Variants in CTNND2 observed in about 807,000 individuals in gnomAD.
CTNND2 encodes the protein catenin delta 2.
A neutral mutation model predicts 144.4 loss-of-function variants in CTNND2; 22 were observed. The observed-to-expected ratio is 0.15, with a 90% CI of 0.11 to 0.22. CTNND2 has a LOEUF of 0.22. CTNND2 is among the 10% of genes least tolerant of loss of function. The pLI, the probability that CTNND2 is intolerant of heterozygous loss-of-function variation, is 1.00. For missense variants in CTNND2, 1,353 were observed against 1,618.8 expected, an observed-to-expected ratio of 0.84 and a Z score of 2.82; for synonymous variants, 751 against 695.6, an observed-to-expected ratio of 1.08 and a Z score of -1.25.
intron 14 of CTNND2, among the ~76,000 whole-genome samples, chr5:11,099,954 A>G (rs2905995): frequency 0.37 from 56,208 of 151,946 alleles, 10,638 homozygotes; most frequent in African/African-American, 0.44. Flanking sequence ...AAATGTACTT[A>G]CAGATATTTT....
rs528862007 is a variant in CTNND2 at position 11,204,711 on chromosome 5, G to A, written c.1762-5050C>T. Among the ~76,000 whole-genome samples, 107 of 152,174 alleles carry A rather than the reference G, an allele frequency of 7.0e-4. 1 individual carries two copies. Among genetic ancestry groups the A allele is most frequent in the African/African-American group, 2.4e-3 (101 of 41,498 alleles). On this transcript the variant is annotated intron_variant, in intron 10 of 21. Coordinates refer to ENST00000304623, the MANE Select transcript of CTNND2 (RefSeq NM_001332.4). ...ATTACAGCAGTGTTCAGATATTTATGACAGTCTTCATAAAAATGTAATGAT... is the reference window on the plus strand; with the variant it reads ...ATTACAGCAGTGTTCAGATATTTATAACAGTCTTCATAAAAATGTAATGAT...
intron 2 of CTNND2, among the ~76,000 whole-genome samples, chr5:11,655,644 A>G (rs1305350943): frequency 1.3e-5 from 2 of 152,150 alleles, no homozygotes; most frequent in African/African-American, 4.8e-5. Context: ...ATGTGTTTTT[A>G]GCTGAAATAA....
At chr5:11,447,734 A>T (rs966795967) in intron 3 of CTNND2, among the ~76,000 whole-genome samples, 1 of 152,184 alleles carries the variant, frequency 6.6e-6, no homozygotes, top group African/African-American at 2.4e-5. Flanking sequence ...GTCCACCCAG[A>T]CAGAAGTGCA....
Position 11,409,178 on chromosome 5 carries a change from T to C in CTNND2, c.439+2358A>G, listed in dbSNP as rs534478575. Reference sequence around the variant, plus strand: ...AATTTTCTTTATTATTTCCATTTGATTCAGTAAATATCCAGAAGTATGTTT... The same window carrying C: ...AATTTTCTTTATTATTTCCATTTGACTCAGTAAATATCCAGAAGTATGTTT... On this transcript the variant is annotated intron_variant, in intron 5 of 21. Transcript: ENST00000304623. Among the ~76,000 whole-genome samples, 63 of 152,182 alleles carry C rather than the reference T, an allele frequency of 4.1e-4. 1 individual carries two copies. Among genetic ancestry groups the C allele is most frequent in the African/African-American group, 1.5e-3 (61 of 41,594 alleles).
intron 16 of CTNND2, among the ~76,000 whole-genome samples, chr5:11,076,952 G>A (rs1749011736): frequency 6.6e-6 from 1 of 152,160 alleles, no homozygotes; most frequent in African/African-American, 2.4e-5. Context: ...CTGAGTGTCT[G>A]CATGCATCTA....
rs552029323 is a variant in CTNND2 at position 11,688,755 on chromosome 5, T to C, written c.174+43381A>G. 2.6e-5 allele frequency among the ~76,000 whole-genome samples: 4 copies of C among 152,268 alleles called. No individual in the cohort carries two copies. The South Asian group carries it at 8.3e-4, about 32-fold the overall frequency. ...TGCTTGTAAAGAATGCAAGAATGCATGGCTGCTTATGACACAGAGAGCATC... is the reference window on the plus strand; with the variant it reads ...TGCTTGTAAAGAATGCAAGAATGCACGGCTGCTTATGACACAGAGAGCATC... On this transcript the variant is annotated intron_variant, in intron 2 of 21. Coordinates refer to ENST00000304623, the MANE Select transcript of CTNND2 (RefSeq NM_001332.4).
chr5:11,303,885 G>A (rs1749868487), intron 9 of CTNND2, among the ~76,000 whole-genome samples: 2 of 152,100 alleles, frequency 1.3e-5, no homozygotes, highest in South Asian at 4.2e-4. Flanking sequence ...GGACCTGGTG[G>A]GAGATAACTG....
chr5:11,573,298 C>T (rs1438410600), intron 2 of CTNND2, among the ~76,000 whole-genome samples: 1 of 152,068 alleles, frequency 6.6e-6, no homozygotes, highest in African/African-American at 2.4e-5. Context: ...TGAGTTCTTG[C>T]CGCCTGGTGT....
intron 3 of CTNND2, among the ~76,000 whole-genome samples, chr5:11,425,621 A>G (rs773668580): frequency 2.0e-5 from 3 of 152,112 alleles, no homozygotes; most frequent in Non-Finnish European, 4.4e-5. Flanking sequence ...AATTCCTACT[A>G]ACGTTCTTAA....
chr5:11,031,233 T>A (rs1414742653), intron 16 of CTNND2, among the ~76,000 whole-genome samples: 1 of 152,198 alleles, frequency 6.6e-6, no homozygotes, highest in Non-Finnish European at 1.5e-5. Context: ...CAACAATGGC[T>A]GCTTGCCTCT....
intron 11 of CTNND2, among the ~76,000 whole-genome samples, chr5:11,176,752 TA>T (rs1388600065): frequency 2.0e-5 from 3 of 152,160 alleles, no homozygotes; most frequent in African/African-American, 7.2e-5. Flanking sequence ...AATTTCTAGC[TA>T]AAAATCCAAC....
At chr5:11,109,142 A>G (rs1752698315) in intron 14 of CTNND2, among the ~76,000 whole-genome samples, 3 of 152,190 alleles carry the variant, frequency 2.0e-5, no homozygotes, top group African/African-American at 7.2e-5. Flanking sequence ...CTTAGAACTC[A>G]GCAACAGGCA....
At chr5:11,246,026 C>T (rs1041509644) in intron 9 of CTNND2, among the ~76,000 whole-genome samples, 5 of 152,320 alleles carry the variant, frequency 3.3e-5, no homozygotes, top group Admixed American at 1.3e-4. Context: ...TTCCTGCAGG[C>T]TGCCTGCCTG....
At chr5:11,153,210 C>T (rs922228462) in intron 12 of CTNND2, among the ~76,000 whole-genome samples, 5 of 151,840 alleles carry the variant, frequency 3.3e-5, no homozygotes, top group Non-Finnish European at 5.9e-5. Context: ...TGCAGTGAGC[C>T]GAGATCATGC....
At chr5:11,640,669 T>C (rs916458673) in intron 2 of CTNND2, among the ~76,000 whole-genome samples, 3 of 152,192 alleles carry the variant, frequency 2.0e-5, no homozygotes. Flanking sequence ...CAACAAGCAC[T>C]TGAGTGGAAT....
intron 16 of CTNND2, among the ~76,000 whole-genome samples, chr5:11,068,981 G>A (rs568437098): frequency 6.6e-6 from 1 of 152,164 alleles, no homozygotes; most frequent in Non-Finnish European, 1.5e-5. Flanking sequence ...CGTTCTGGGG[G>A]TTATAGTAGC....
intron 8 of CTNND2, among the ~76,000 whole-genome samples, chr5:11,357,091 G>C (rs903870006): frequency 7.9e-5 from 12 of 151,986 alleles, no homozygotes; most frequent in Non-Finnish European, 1.6e-4. Context: ...TTATAAACTA[G>C]TTAAGCCATT....
intron 15 of CTNND2, among the ~76,000 whole-genome samples, chr5:11,086,467 C>G (rs191814190): frequency 6.6e-6 from 1 of 152,160 alleles, no homozygotes; most frequent in East Asian, 1.9e-4. Flanking sequence ...AATGTGGCCA[C>G]GCTTGCAGAC....
intron 1 of CTNND2, among the ~76,000 whole-genome samples, chr5:11,853,027 C>A (rs908695266): frequency 6.6e-6 from 1 of 152,120 alleles, no homozygotes. Context: ...ATTCAAACCT[C>A]GGGAGATTAA....
Sources: gnomAD v4.1 joint callset for allele counts (sites outside exome capture counted in the v4.1 genomes callset) on GRCh38, gnomAD v4.1.1 for gene constraint, MANE v1.5 for transcripts, NCBI Gene and HGNC (gene_info 2026-07-23, HGNC 2026-07-21) for gene names.